Variants in VPS41 observed in about 807,000 individuals in gnomAD.
VPS41 encodes vacuolar protein sorting-associated protein 41 homolog.
A neutral mutation model predicts 130.9 loss-of-function variants in VPS41; 85 were observed. The ratio of observed to expected loss-of-function variants is 0.65; its 90% CI spans 0.55 to 0.78. The LOEUF is 0.78. Among genes scored for constraint, VPS41 ranks in the 30% least tolerant of loss-of-function variants. The probability of loss-of-function intolerance (pLI) is 0.00; values close to 1 mark genes in which losing one functional copy is unlikely to be tolerated. For missense variants in VPS41, 874 were observed against 1,018.7 expected, an observed-to-expected ratio of 0.86 and a Z score of 1.93; for synonymous variants, 335 against 332.9, an observed-to-expected ratio of 1.01 and a Z score of -0.07.
intron 5 of VPS41, among the ~76,000 whole-genome samples, chr7:38,822,424 CATATTCT>C (rs1785189314): frequency 6.6e-6 from 1 of 152,170 alleles, no homozygotes; most frequent in Non-Finnish European, 1.5e-5. Flanking sequence ...AGTAAGGAAT[CATATTCT>C]ATTTCACTGA....
intron 4 of VPS41, among the ~76,000 whole-genome samples, chr7:38,849,918 C>A (rs552742038): frequency 3.0e-5 from 4 of 131,876 alleles, no homozygotes. Flanking sequence ...TCCTTGCCCC[C>A]CTTCCATATC....
chr7:38,801,796 A>C lies in VPS41; in HGVS notation c.451-4932T>G, dbSNP rs1186717730. 3.9e-5 allele frequency among the ~76,000 whole-genome samples: 6 copies of C among 152,218 alleles called. No individual in the cohort carries two copies. The East Asian group carries it at 1.2e-3, about 29-fold the overall frequency. ...ATAAATATTAAATACTAAGTAGGCTATCCGAGTCTACTAGTCTTAATTCTT... is the reference window on the plus strand; with the variant it reads ...ATAAATATTAAATACTAAGTAGGCTCTCCGAGTCTACTAGTCTTAATTCTT... On this transcript the variant is annotated intron_variant, in intron 7 of 28. Coordinates refer to ENST00000310301, the MANE Select transcript of VPS41 (RefSeq NM_014396.4).
At chr7:38,818,626 C>A (rs1041149357) in intron 6 of VPS41, among the ~76,000 whole-genome samples, 4 of 152,208 alleles carry the variant, frequency 2.6e-5, no homozygotes, top group Admixed American at 6.5e-5. Flanking sequence ...CGTGGCTCCA[C>A]TCAGTGCACC....
At chr7:38,827,248 C>G (rs1330355992) in intron 5 of VPS41, among the ~76,000 whole-genome samples, 1 of 152,116 alleles carries the variant, frequency 6.6e-6, no homozygotes, top group East Asian at 1.9e-4. Flanking sequence ...AGACACAAAA[C>G]TGACTTTGGA....
chr7:38,736,552 C>T (rs907396208), intron 25 of VPS41, among the ~76,000 whole-genome samples: 3 of 152,216 alleles, frequency 2.0e-5, no homozygotes, highest in African/African-American at 7.2e-5. Context: ...TCTTCCATGC[C>T]AATTCTGTAT....
intron 7 of VPS41, among the ~76,000 whole-genome samples, chr7:38,803,908 G>T (rs1335920781): frequency 6.6e-6 from 1 of 152,220 alleles, no homozygotes; most frequent in East Asian, 1.9e-4. Flanking sequence ...CAGCTCTACT[G>T]TGTCCATCAA....
intron 3 of VPS41, 27 bp from the exon 4 acceptor site, chr7:38,862,649 A>AATTTATTAATAGTATT: frequency 6.9e-7 from 1 of 1,441,350 alleles, no homozygotes; most frequent in African/African-American, 1.4e-5. Context: ...GAGGCCAGTT[A>AATTTATTAATAGTATT]ATTAATTAAT....
intron 5 of VPS41, among the ~76,000 whole-genome samples, chr7:38,822,940 C>G (rs1235447072): frequency 6.6e-6 from 1 of 152,138 alleles, no homozygotes; most frequent in Non-Finnish European, 1.5e-5. Context: ...AGAACTATTT[C>G]CCAACATTGG....
At chr7:38,788,651 A>C (rs1784482128) in intron 10 of VPS41, among the ~76,000 whole-genome samples, 1 of 152,194 alleles carries the variant, frequency 6.6e-6, no homozygotes, top group Non-Finnish European at 1.5e-5. Context: ...ATATTGAAAC[A>C]ATTATCTATA....
At chr7:38,770,280 A>G (rs1474684708) in intron 14 of VPS41, among the ~76,000 whole-genome samples, 1 of 151,966 alleles carries the variant, frequency 6.6e-6, no homozygotes, top group Non-Finnish European at 1.5e-5. Flanking sequence ...AAAAAAAAAA[A>G]AAAAAGCCTT....
At chr7:38,855,006 C>G (rs1026779193) in intron 4 of VPS41, among the ~76,000 whole-genome samples, 2 of 151,494 alleles carry the variant, frequency 1.3e-5, no homozygotes, top group Non-Finnish European at 2.9e-5. Flanking sequence ...GTCAAGAGAT[C>G]GAGACCATCC....
At chr7:38,808,343 AT>A (rs1457684794) in intron 7 of VPS41, among the ~76,000 whole-genome samples, 1 of 152,190 alleles carries the variant, frequency 6.6e-6, no homozygotes, top group Admixed American at 6.5e-5. Context: ...GAGCTATTTT[AT>A]TGCTTGGTTT....
chr7:38,843,400 T>C (rs1441985997), intron 4 of VPS41, among the ~76,000 whole-genome samples: 1 of 152,158 alleles, frequency 6.6e-6, no homozygotes, highest in Non-Finnish European at 1.5e-5. Flanking sequence ...ACTGAATGAC[T>C]GGCCGGGCGC....
chr7:38,781,793 C>G (rs1011711912), intron 10 of VPS41, among the ~76,000 whole-genome samples: 20 of 152,176 alleles, frequency 1.3e-4, no homozygotes, highest in Non-Finnish European at 5.9e-5. Flanking sequence ...CTTCCTGAAG[C>G]CTGTCACCTA....
chr7:38,813,483 G>A (rs1784983471), intron 7 of VPS41, among the ~76,000 whole-genome samples: 1 of 152,100 alleles, frequency 6.6e-6, no homozygotes, highest in South Asian at 2.1e-4. Flanking sequence ...TATTAAAAAC[G>A]ACTAAACAGC....
chr7:38,830,282 T>G lies in VPS41; in HGVS notation c.293A>C (p.His98Pro). Residue 98 changes from histidine to proline, a missense_variant, in exon 5 of 29, where the codon CAC (histidine) becomes CCC (proline). His to Pro is a moderately conservative substitution (Grantham distance 77). Transcript: ENST00000310301. ...NQISLDESGE[H>P]MGVCSEDGKV... The stretch of plus-strand genomic sequence containing the variant: ...GCCATCCTCTGAACACACACCCATG[T>G]GCTCTCCACTTTCATCCAAGCTAAT... The G allele has an allele frequency of 6.2e-7, 1 of 1,613,504 alleles. No individual in the cohort carries two copies. Among genetic ancestry groups the G allele is most frequent in the Non-Finnish European group, 8.5e-7 (1 of 1,179,392 alleles).
intron 7 of VPS41, chr7:38,797,141 A>G (rs780604553): frequency 1.8e-5 from 5 of 274,886 alleles, no homozygotes; most frequent in East Asian, 6.2e-5. Context: ...ATGGAAAATA[A>G]TGCACATTAG....
intron 2 of VPS41, among the ~76,000 whole-genome samples, chr7:38,891,140 A>C (rs185640331): frequency 4.9e-4 from 75 of 152,288 alleles, no homozygotes; most frequent in Non-Finnish European, 1.2e-4. Context: ...CCCTTGTTAG[A>C]GAGTTTGAGA....
chr7:38,783,279 GTAA>G (rs1001283904), intron 10 of VPS41, among the ~76,000 whole-genome samples: 2 of 152,052 alleles, frequency 1.3e-5, no homozygotes, highest in Non-Finnish European at 2.9e-5. Context: ...GCTCACGCTT[GTAA>G]TCCCAGCACT....
Sources: allele counts gnomAD v4.1 joint callset (sites outside exome capture counted in the v4.1 genomes callset), GRCh38; gene constraint gnomAD v4.1.1; transcripts MANE v1.5; gene names NCBI Gene and HGNC (gene_info 2026-07-23, HGNC 2026-07-21).